Variants in CDC27 observed in about 807,000 individuals in gnomAD.
CDC27 encodes cell division cycle 27.
CDC27 carries 27 observed loss-of-function variants against 109.7 expected under a neutral mutation model. The ratio of observed to expected loss-of-function variants is 0.25; its 90% CI spans 0.18 to 0.34. The LOEUF is 0.34. Ranked by LOEUF, CDC27 falls within the 10% of genes least tolerant of loss-of-function variation. CDC27 has a pLI of 1.00. For synonymous variants in CDC27, 266 were observed against 333.9 expected (o/e 0.80, Z 2.22); for missense variants, 579 against 960.2 (o/e 0.60, Z 5.25).
intron 2 of CDC27, among the ~76,000 whole-genome samples, chr17:47,178,952 G>A (rs1290232430): frequency 6.6e-6 from 1 of 152,122 alleles, no homozygotes; most frequent in Non-Finnish European, 1.5e-5. Context: ...ACAGGCATGT[G>A]CCACTACACC....
At chr17:47,159,219 G>A (rs1032244156) in intron 4 of CDC27, 1 of 455,098 alleles carries the variant, frequency 2.2e-6, no homozygotes. Flanking sequence ...TGGAGCCCGG[G>A]TCCTCTGTAC....
At chr17:47,169,567 C>T (rs2063750086) in intron 4 of CDC27, among the ~76,000 whole-genome samples, 1 of 151,484 alleles carries the variant, frequency 6.6e-6, no homozygotes, top group African/African-American at 2.4e-5. Context: ...ATTGCTTGAA[C>T]CCTGGAGGTG....
rs1415123264 is a variant in CDC27, at chr17:47,168,128, G to A, written c.377+1789C>T. 2.6e-5 allele frequency among the ~76,000 whole-genome samples: 4 copies of A among 152,124 alleles called. No individual in the cohort carries two copies. In the East Asian group the frequency reaches 7.7e-4, roughly 29 times the overall value. On this transcript the variant is annotated intron_variant, in intron 4 of 18. Coordinates refer to ENST00000066544, the MANE Select transcript of CDC27 (RefSeq NM_001256.6). ...CCCTGTCCTTTTGAGTTTTTACGGAGGCTTCACTACATAGGCATTACTGAT... is the reference window on the plus strand; with the variant it reads ...CCCTGTCCTTTTGAGTTTTTACGGAAGCTTCACTACATAGGCATTACTGAT...
chr17:47,182,423 T>C (rs1181998641), intron 1 of CDC27, among the ~76,000 whole-genome samples: 1 of 152,216 alleles, frequency 6.6e-6, no homozygotes, highest in African/African-American at 2.4e-5. Context: ...TGAAACTCCC[T>C]GTGTGTTCCT....
Position 47,129,495 on chromosome 17 carries a change from C to G in CDC27, c.2058G>C (p.Glu686Asp). 6.2e-7 allele frequency: 1 copy of G among 1,606,046 alleles called. No homozygotes were observed. ...CTTTGTTTAGGGTATCCAAAGCCTT[C>G]TCTGATTTTTTCAGTGCATGTTGAA... Reference protein sequence around the residue: ...GVVQHALKKSEKALDTLNKAI... With the variant: ...GVVQHALKKSDKALDTLNKAI... Residue 686 changes from glutamate to aspartate, a missense_variant, in exon 16 of 19, where the codon GAG becomes GAC. Physicochemically the swap from Glu to Asp is conservative, Grantham distance 45. Around this residue, in one of 9 missense-constraint regions of CDC27, gnomAD observed 227 missense variants for 363.6 expected, o/e 0.62. Coordinates refer to ENST00000066544, the MANE Select transcript of CDC27 (RefSeq NM_001256.6).
intron 2 of CDC27, among the ~76,000 whole-genome samples, chr17:47,176,331 C>T (rs1322367441): frequency 6.6e-6 from 1 of 151,924 alleles, no homozygotes; most frequent in Non-Finnish European, 1.5e-5. Context: ...TTGAACATTT[C>T]ATCTACATAT....
At chr17:47,173,922 G>A (rs937912546) in intron 2 of CDC27, among the ~76,000 whole-genome samples, 7 of 152,074 alleles carry the variant, frequency 4.6e-5, no homozygotes, top group African/African-American at 2.4e-5. Context: ...GCGAAACCCC[G>A]TCTTCTACTA....
chr17:47,181,423 G>A (rs1027308217), intron 2 of CDC27, 139 bp downstream of exon 2: 1 of 493,348 alleles, frequency 2.0e-6, no homozygotes, highest in Non-Finnish European at 3.7e-6. Context: ...CAGAAAAAAA[G>A]TAAAGATTTT....
intron 4 of CDC27, chr17:47,159,230 G>A (rs145199949): frequency 1.1e-4 from 51 of 483,630 alleles, no homozygotes; most frequent in African/African-American, 6.1e-4. Flanking sequence ...TCCTCTGTAC[G>A]GAGACTCTAG....
intron 4 of CDC27, among the ~76,000 whole-genome samples, chr17:47,163,204 T>C: frequency 6.7e-6 from 1 of 148,318 alleles, no homozygotes; most frequent in Non-Finnish European, 1.5e-5. Context: ...AGAAGTCTCA[T>C]GTGCTGTAAT....
chr17:47,131,502 T>C (rs1041732856), intron 15 of CDC27, among the ~76,000 whole-genome samples: 2 of 151,052 alleles, frequency 1.3e-5, no homozygotes, highest in African/African-American at 4.9e-5. Flanking sequence ...AAAGCTAAAC[T>C]TGCTAGGGGG....
At chr17:47,131,179 TAA>T (rs372204712) in intron 15 of CDC27, among the ~76,000 whole-genome samples, 1 of 152,152 alleles carries the variant, frequency 6.6e-6, no homozygotes, top group African/African-American at 2.4e-5. Context: ...TTCCTATTTT[TAA>T]AAAAGTGTTC....
intron 7 of CDC27, among the ~76,000 whole-genome samples, chr17:47,156,212 C>G (rs2063299690): frequency 6.6e-6 from 1 of 152,068 alleles, no homozygotes; most frequent in Non-Finnish European, 1.5e-5. Context: ...CATCTCGGCT[C>G]ACTGCAACCT....
At chr17:47,126,365 TA>T (rs1236267725) in intron 16 of CDC27, among the ~76,000 whole-genome samples, 2 of 152,164 alleles carry the variant, frequency 1.3e-5, no homozygotes, top group Non-Finnish European at 1.5e-5. Flanking sequence ...CCCAAGCTCA[TA>T]CCCAAAAATG....
At chr17:47,148,150 G>C (rs1197936382) in intron 9 of CDC27, among the ~76,000 whole-genome samples, 1 of 144,532 alleles carries the variant, frequency 6.9e-6, no homozygotes, top group Non-Finnish European at 1.5e-5. Flanking sequence ...CAGTGAGCCA[G>C]ATTGTGCCAC....
chr17:47,154,605 C>A, intron 8 of CDC27, 67 bp downstream of exon 8: 2 of 829,784 alleles, frequency 2.4e-6, no homozygotes, highest in South Asian at 3.3e-5. Flanking sequence ...CTGAGATTAC[C>A]TTTAAAAGAT....
At position 47,187,521 on chromosome 17, in the gene CDC27, C is replaced by T. The variant is rs563573663; in HGVS notation, c.27+1625G>A. ...TTCACTGTGTTGGCCAGGCAGGTCT[C>T]GAACTCCTGACCTCAGGTGATCCAC... On this transcript the variant is annotated intron_variant, in intron 1 of 18. Transcript: ENST00000066544. Among the ~76,000 whole-genome samples, 3 of 152,052 alleles carry T rather than the reference C, an allele frequency of 2.0e-5. No homozygotes were observed. The South Asian group carries it at 6.2e-4, about 32-fold the overall frequency.
At chr17:47,129,811 C>T (rs1598402238) in intron 15 of CDC27, among the ~76,000 whole-genome samples, 1 of 152,290 alleles carries the variant, frequency 6.6e-6, no homozygotes, top group African/African-American at 2.4e-5. Flanking sequence ...TCCTCTGGTA[C>T]ATACCTATGA....
intron 4 of CDC27, among the ~76,000 whole-genome samples, chr17:47,163,375 A>C (rs2063551946): frequency 6.6e-6 from 1 of 152,224 alleles, no homozygotes; most frequent in African/African-American, 2.4e-5. Flanking sequence ...TTCCACTTTC[A>C]ATACTCAATC....
Sources: allele counts gnomAD v4.1 joint callset (sites outside exome capture counted in the v4.1 genomes callset), GRCh38; gene constraint gnomAD v4.1.1; regional missense constraint gnomAD v4.1.1; transcripts MANE v1.5; gene names NCBI Gene and HGNC (gene_info 2026-07-23, HGNC 2026-07-21).